Variants in KCNMA1 observed in about 807,000 individuals in gnomAD.
KCNMA1 encodes the protein Calcium-activated potassium channel subunit alpha-1.
In KCNMA1, 29 loss-of-function variants were observed where a neutral mutation model predicts 140.0. The observed-to-expected ratio is 0.21, with a 90% CI of 0.15 to 0.28. KCNMA1 has a LOEUF of 0.28. KCNMA1 is among the 10% of genes least tolerant of loss of function. KCNMA1 has a pLI of 1.00. For missense variants in KCNMA1, 880 were observed against 1,602.2 expected, an observed-to-expected ratio of 0.55 and a Z score of 7.70; for synonymous variants, 612 against 611.9, an observed-to-expected ratio of 1.00 and a Z score of 0.00.
intron 1 of KCNMA1, among the ~76,000 whole-genome samples, chr10:77,506,667 G>GAT (rs2154546917): frequency 8.2e-6 from 1 of 121,998 alleles, no homozygotes; most frequent in African/African-American, 3.2e-5. Flanking sequence ...GAGAGAGAGA[G>GAT]CTTTGAAATA....
In KCNMA1 at chr10:77,019,116, A is replaced by C. The variant is rs1215987813; in HGVS notation, c.1929-17T>G. 7.7e-7 allele frequency: 1 copy of C among 1,293,752 alleles called. No individual in the cohort carries two copies. Among genetic ancestry groups the C allele is most frequent in the South Asian group, 1.2e-5 (1 of 84,520 alleles). 80.1% of individuals were successfully genotyped at this position (1,293,752 alleles called of 1,614,324 possible). ...ATTAATATACTGCTCAGTGAACAAA[A>C]ACAAACAGAGAAGATACATTTGTGA... On this transcript the variant is annotated splice_polypyrimidine_tract_variant and intron_variant, in intron 16 of 27. Coordinates refer to ENST00000286628, the MANE Select transcript of KCNMA1 (RefSeq NM_001161352.2).
At chr10:77,540,072 C>T (rs1303747023) in intron 1 of KCNMA1, among the ~76,000 whole-genome samples, 2 of 152,188 alleles carry the variant, frequency 1.3e-5, no homozygotes, top group Admixed American at 6.5e-5. Flanking sequence ...GAGCATCCCC[C>T]TAATTCACCA....
At chr10:76,910,210 A>G in intron 24 of KCNMA1, 114 bp from the exon 25 acceptor site, 1 of 1,168,584 alleles carries the variant, frequency 8.6e-7, no homozygotes, top group Non-Finnish European at 1.2e-6. Flanking sequence ...AGGAAACAAA[A>G]GCATGGAATA....
At chr10:77,086,452 A>T in intron 11 of KCNMA1, 36 bp downstream of exon 11, 2 of 1,489,772 alleles carry the variant, frequency 1.3e-6, no homozygotes, top group East Asian at 2.3e-5. Context: ...CCACACCAAG[A>T]TGGAATAAAA....
chr10:77,432,366 C>T (rs1212780598), intron 1 of KCNMA1, among the ~76,000 whole-genome samples: 4 of 152,214 alleles, frequency 2.6e-5, no homozygotes. Flanking sequence ...TAAAATCCAT[C>T]AAAAACAAGC....
intron 3 of KCNMA1, among the ~76,000 whole-genome samples, chr10:77,206,514 G>T (rs529362010): frequency 1.3e-5 from 2 of 152,030 alleles, no homozygotes; most frequent in Non-Finnish European, 2.9e-5. Flanking sequence ...TTGGTTTTTC[G>T]TCTAACTGGG....
chr10:77,216,102 T>C (rs1002126270), intron 3 of KCNMA1, among the ~76,000 whole-genome samples: 1 of 152,136 alleles, frequency 6.6e-6, no homozygotes, highest in African/African-American at 2.4e-5. Flanking sequence ...TATTACAAAA[T>C]TCAATTTATA....
At chr10:77,548,614 C>T (rs143055390) in intron 1 of KCNMA1, among the ~76,000 whole-genome samples, 1 of 152,340 alleles carries the variant, frequency 6.6e-6, no homozygotes, top group Non-Finnish European at 1.5e-5. Flanking sequence ...GCAGGCACAA[C>T]TCTTGATAGA....
intron 2 of KCNMA1, among the ~76,000 whole-genome samples, chr10:77,276,927 C>T (rs954014273): frequency 3.9e-5 from 6 of 152,144 alleles, no homozygotes; most frequent in Admixed American, 6.5e-5. Context: ...ATTATTATCC[C>T]CACTTTATAG....
At chr10:77,092,512 C>G (rs562859095) in intron 9 of KCNMA1, among the ~76,000 whole-genome samples, 1 of 152,248 alleles carries the variant, frequency 6.6e-6, no homozygotes, top group East Asian at 1.9e-4. Flanking sequence ...GAATCCAATG[C>G]GTGGGTATCT....
At chr10:76,937,719 G>A (rs1013110928) in intron 23 of KCNMA1, among the ~76,000 whole-genome samples, 1 of 152,168 alleles carries the variant, frequency 6.6e-6, no homozygotes, top group African/African-American at 2.4e-5. Context: ...TGTACCCTAT[G>A]CCCCCAATTA....
intron 5 of KCNMA1, among the ~76,000 whole-genome samples, chr10:77,131,816 T>G (rs2097863500): frequency 6.6e-6 from 1 of 151,444 alleles, no homozygotes. Flanking sequence ...AATTCAAAAA[T>G]TAGCTGGGCA....
intron 2 of KCNMA1, among the ~76,000 whole-genome samples, chr10:77,338,117 T>A (rs1207748288): frequency 6.6e-6 from 1 of 152,056 alleles, no homozygotes; most frequent in Non-Finnish European, 1.5e-5. Context: ...AAGGGGTGAG[T>A]GAGCCTGAAG....
chr10:77,636,108 T>A lies in KCNMA1; in HGVS notation c.378+1157A>T, dbSNP rs1172405798. On this transcript the variant is annotated intron_variant, in intron 1 of 27. Transcript: ENST00000286628. ...GCAATGTGTATCTACCCTGCACTAT[T>A]CCCCTGGATTTCCCTTCCCTCCAAA... 4 of 836,234 alleles carry A rather than the reference T, an allele frequency of 4.8e-6. No individual in the cohort carries two copies. The East Asian group carries it at 1.3e-4, about 28-fold the overall frequency. 51.8% of individuals were successfully genotyped at this position (836,234 alleles called of 1,614,324 possible).
intron 19 of KCNMA1, chr10:76,979,433 T>C (rs2078720445): frequency 2.0e-5 from 3 of 152,132 alleles, no homozygotes; most frequent in Non-Finnish European, 2.9e-5. Context: ...TGAAAGTTTT[T>C]ATTTGCTTAC....
Position 77,459,618 on chromosome 10 carries a change from T to C in KCNMA1, c.379-55595A>G, listed in dbSNP as rs114453477. Among the ~76,000 whole-genome samples the C allele has an allele frequency of 1.9e-3, 288 of 152,294 alleles. 2 individuals carry two copies. Among genetic ancestry groups the C allele is most frequent in the East Asian group, 0.018 (95 of 5,182 alleles). On this transcript the variant is annotated intron_variant, in intron 1 of 27. Transcript: ENST00000286628. ...CCGAATACCCACATTATTGTGGTAA[T>C]CAAAACACAGCTTTGAGACATCACT...
intron 14 of KCNMA1, among the ~76,000 whole-genome samples, chr10:77,049,926 C>T (rs1045695596): frequency 1.2e-4 from 18 of 152,176 alleles, no homozygotes; most frequent in Non-Finnish European, 2.1e-4. Context: ...AACTGACTTA[C>T]GGTTTTCTAA....
chr10:77,002,649 C>A (rs1431392823), intron 18 of KCNMA1, among the ~76,000 whole-genome samples: 2 of 152,174 alleles, frequency 1.3e-5, no homozygotes, highest in African/African-American at 2.4e-5. Flanking sequence ...GAGTGGTAAC[C>A]TATAAAAGTT....
chr10:77,076,597 G>C (rs891401261), intron 13 of KCNMA1, among the ~76,000 whole-genome samples: 1 of 152,218 alleles, frequency 6.6e-6, no homozygotes, highest in African/African-American at 2.4e-5. Context: ...TGGTGGCCAT[G>C]ATTTGTGCCC....
Sources: allele counts gnomAD v4.1 joint callset (sites outside exome capture counted in the v4.1 genomes callset), GRCh38; gene constraint gnomAD v4.1.1; transcripts MANE v1.5; gene names NCBI Gene and HGNC (gene_info 2026-07-23, HGNC 2026-07-21).